DTWD2: variants seen among roughly 807,000 people sequenced by gnomAD.
The protein encoded by DTWD2 is DTW motif tRNA-uridine aminocarboxypropyltransferase 2, also known as tRNA-uridine aminocarboxypropyltransferase 2.
Under a neutral mutation model 31.8 loss-of-function variants are expected in DTWD2, and 39 were observed. The observed-to-expected ratio is 1.22, with a 90% CI of 0.95 to 1.60. The LOEUF is 1.60. Ranked by LOEUF, DTWD2 falls within the 40% of genes most tolerant of loss-of-function variation. The probability of loss-of-function intolerance (pLI) is 0.00; values close to 1 mark genes in which losing one functional copy is unlikely to be tolerated. For missense variants in DTWD2, 515 were observed against 381.5 expected, an observed-to-expected ratio of 1.35 and a Z score of -2.92; for synonymous variants, 180 against 142.8, an observed-to-expected ratio of 1.26 and a Z score of -1.86.
At chr5:118,987,268 C>T (rs559064257) in intron 1 of DTWD2, among the ~76,000 whole-genome samples, 4 of 152,178 alleles carry the variant, frequency 2.6e-5, no homozygotes, top group African/African-American at 9.7e-5. Flanking sequence ...TTTCCATCCT[C>T]CTCAGAGGTT....
intron 3 of DTWD2, among the ~76,000 whole-genome samples, chr5:118,935,298 C>A (rs1238535868): frequency 1.3e-5 from 2 of 152,126 alleles, no homozygotes; most frequent in Admixed American, 1.3e-4. Context: ...TTCTAACTAA[C>A]TGAACCCAAA....
intron 1 of DTWD2, among the ~76,000 whole-genome samples, chr5:118,986,554 C>A (rs1167816935): frequency 6.6e-6 from 1 of 152,086 alleles, no homozygotes; most frequent in Non-Finnish European, 1.5e-5. Flanking sequence ...AATGATCAAT[C>A]AAATCTAAGA....
Position 118,956,075 on chromosome 5 carries a change from T to C in DTWD2, c.219-11426A>G, listed in dbSNP as rs145735149. Among the ~76,000 whole-genome samples, 726 of 152,280 alleles carry C rather than the reference T, an allele frequency of 4.8e-3. 8 individuals carry two copies. Among genetic ancestry groups the C allele is most frequent in the African/African-American group, 0.017 (695 of 41,552 alleles). On this transcript the variant is annotated intron_variant, in intron 1 of 5. Transcript: ENST00000510708. ...TGTGACCTTGGGCATGTCACAGATT[T>C]TCAATTTCCTTCCGAACAAAACTGG...
chr5:118,970,116 G>C (rs1007574319), intron 1 of DTWD2, among the ~76,000 whole-genome samples: 1 of 152,166 alleles, frequency 6.6e-6, no homozygotes. Flanking sequence ...AAACAGGACA[G>C]AAAGACAAGA....
At chr5:118,983,716 G>A (rs1755359406) in intron 1 of DTWD2, among the ~76,000 whole-genome samples, 1 of 152,210 alleles carries the variant, frequency 6.6e-6, no homozygotes, top group Admixed American at 6.5e-5. Context: ...AATACCTACT[G>A]TGCAAACAAA....
chr5:118,962,211 C>G (rs1006494114), intron 1 of DTWD2, among the ~76,000 whole-genome samples: 142 of 152,078 alleles, frequency 9.3e-4, no homozygotes, highest in African/African-American at 3.4e-3. Flanking sequence ...GCACTCCAGC[C>G]TGGGCAACAA....
At chr5:118,877,800 G>C (rs1350589199) in intron 4 of DTWD2, among the ~76,000 whole-genome samples, 1 of 152,132 alleles carries the variant, frequency 6.6e-6, no homozygotes, top group Non-Finnish European at 1.5e-5. Flanking sequence ...GAAAACCCCA[G>C]AGTCTCATCC....
At chr5:118,941,759 C>G (rs181837591) in intron 2 of DTWD2, among the ~76,000 whole-genome samples, 121 of 152,346 alleles carry the variant, frequency 7.9e-4, no homozygotes, top group Non-Finnish European at 1.5e-3. Context: ...GCCACACAGA[C>G]TTCCACAATG....
At position 118,928,727 on chromosome 5, in the gene DTWD2, T is replaced by A; in HGVS notation, c.407A>T (p.Asp136Val). The change falls in exon 4 of 6, where the codon GAT (aspartate) becomes GTT (valine). Residue 136 changes from aspartate to valine, a missense_variant and splice_region_variant. Asp to Val is a radical substitution (Grantham distance 152). Transcript: ENST00000510708. Reference sequence around the variant, plus strand: ...CCGGCAAACAGTTGAAAGTTCAGGATCTCTGAAAAAGTTTTTTAAAAATAT... The same window carrying A: ...CCGGCAAACAGTTGAAAGTTCAGGAACTCTGAAAAAGTTTTTTAAAAATAT... ...KIGRRFSEER[D>V]PELSTVCRKS... The A allele has an allele frequency of 6.4e-7, 1 of 1,550,736 alleles. No individual in the cohort carries two copies. The highest frequency in any genetic ancestry group is 8.7e-7 in the Non-Finnish European group (1 of 1,152,630).
At position 118,841,104 on chromosome 5, in the gene DTWD2, GAC is replaced by G. The variant is rs760530381; in HGVS notation, c.727-19_727-18del. 116 of 1,592,974 alleles carry G rather than the reference GAC, an allele frequency of 7.3e-5. No individual in the cohort carries two copies. The highest frequency in any genetic ancestry group is 5.6e-5 in the Non-Finnish European group (65 of 1,169,208). ...AAGCAAAGTCTGTCAAGAGAAAAAA[GAC>G]ACTAAAAAAGTATCTGTGACAAATC... On this transcript the variant is annotated intron_variant, in intron 5 of 5. Coordinates refer to ENST00000510708, the MANE Select transcript of DTWD2 (RefSeq NM_173666.4).
At chr5:118,930,722 G>C (rs1753904114) in intron 3 of DTWD2, among the ~76,000 whole-genome samples, 1 of 152,126 alleles carries the variant, frequency 6.6e-6, no homozygotes, top group Admixed American at 6.5e-5. Flanking sequence ...ATTATGCTAA[G>C]TGAAAGAAGC....
chr5:118,848,982 T>C (rs1054824648), intron 4 of DTWD2, among the ~76,000 whole-genome samples: 5 of 152,166 alleles, frequency 3.3e-5, no homozygotes, highest in African/African-American at 1.2e-4. Flanking sequence ...ACTTTATGAC[T>C]AAAACACCAA....
At chr5:118,975,227 T>C (rs113834191) in intron 1 of DTWD2, among the ~76,000 whole-genome samples, 2 of 152,318 alleles carry the variant, frequency 1.3e-5, no homozygotes, top group Middle Eastern at 3.4e-3. Flanking sequence ...TCGTTCCTTT[T>C]CATTCTTTTT....
chr5:118,856,764 C>CTTT (rs68175368), intron 4 of DTWD2, among the ~76,000 whole-genome samples: 8,747 of 44,314 alleles, frequency 0.2, 1,272 homozygotes, highest in Non-Finnish European at 0.23. Flanking sequence ...TTGAGGCTTA[C>CTTT]TTTTTTTTTT....
intron 1 of DTWD2, among the ~76,000 whole-genome samples, chr5:118,979,346 C>CA (rs1755240423): frequency 6.6e-6 from 1 of 151,808 alleles, no homozygotes; most frequent in South Asian, 2.1e-4. Flanking sequence ...AATAAAAGGT[C>CA]AAAAAACAAC....
At chr5:118,976,305 A>G (rs1755157460) in intron 1 of DTWD2, among the ~76,000 whole-genome samples, 1 of 152,208 alleles carries the variant, frequency 6.6e-6, no homozygotes, top group Non-Finnish European at 1.5e-5. Context: ...AACAAATTCA[A>G]AAGCTAGCAA....
intron 1 of DTWD2, among the ~76,000 whole-genome samples, chr5:118,986,296 A>C (rs1432723709): frequency 6.6e-6 from 1 of 152,216 alleles, no homozygotes; most frequent in Non-Finnish European, 1.5e-5. Context: ...TACATAAAGG[A>C]CAGAATACAT....
chr5:118,981,535 TA>T (rs1233463190), intron 1 of DTWD2, among the ~76,000 whole-genome samples: 1 of 134,714 alleles, frequency 7.4e-6, no homozygotes, highest in Non-Finnish European at 1.6e-5. Flanking sequence ...AAACAAACAA[TA>T]AACTCAGCAG....
intron 4 of DTWD2, among the ~76,000 whole-genome samples, chr5:118,902,888 T>G (rs1753246538): frequency 6.6e-6 from 1 of 152,086 alleles, no homozygotes; most frequent in African/African-American, 2.4e-5. Flanking sequence ...GTTATTAATA[T>G]CCTTTTATAC....
Sources: allele counts gnomAD v4.1 joint callset (sites outside exome capture counted in the v4.1 genomes callset), GRCh38; gene constraint gnomAD v4.1.1; transcripts MANE v1.5; gene names NCBI Gene and HGNC (gene_info 2026-07-23, HGNC 2026-07-21).